RETREG1: variants seen among roughly 807,000 people sequenced by gnomAD.
RETREG1 encodes the protein family with sequence similarity 134 member B.
A neutral mutation model predicts 54.8 loss-of-function variants in RETREG1; 44 were observed. The ratio of observed to expected loss-of-function variants is 0.80; its 90% CI spans 0.63 to 1.03. The LOEUF (loss-of-function observed/expected upper bound fraction) is 1.03. RETREG1 is among the 50% of genes least tolerant of loss of function. The probability of loss-of-function intolerance (pLI) is 0.00; values close to 1 mark genes in which losing one functional copy is unlikely to be tolerated. For missense variants in RETREG1, 554 were observed against 605.1 expected, an observed-to-expected ratio of 0.92 and a Z score of 0.89; for synonymous variants, 217 against 238.5, an observed-to-expected ratio of 0.91 and a Z score of 0.83.
At chr5:16,508,668 G>A in intron 3 of RETREG1, 1 of 1,612,868 alleles carries the variant, frequency 6.2e-7, no homozygotes, top group South Asian at 1.1e-5. Flanking sequence ...GCTAACCACG[G>A]CTAATGTGGC....
intron 1 of RETREG1, among the ~76,000 whole-genome samples, chr5:16,574,716 G>A (rs1466976452): frequency 6.6e-6 from 1 of 152,200 alleles, no homozygotes; most frequent in African/African-American, 2.4e-5. Flanking sequence ...CAGGCCCCCT[G>A]AAACAGGTGG....
intron 3 of RETREG1, among the ~76,000 whole-genome samples, chr5:16,526,190 G>T (rs1240349789): frequency 6.6e-6 from 1 of 152,236 alleles, no homozygotes; most frequent in African/African-American, 2.4e-5. Context: ...GTATCAAATG[G>T]CTCAGGGAGA....
chr5:16,549,280 T>G (rs1423960229), intron 3 of RETREG1, among the ~76,000 whole-genome samples: 1 of 152,186 alleles, frequency 6.6e-6, no homozygotes. Context: ...CAAGACGAAT[T>G]TATAAGCAAT....
intron 3 of RETREG1, among the ~76,000 whole-genome samples, chr5:16,548,433 C>A (rs1294304969): frequency 6.6e-6 from 1 of 152,030 alleles, no homozygotes; most frequent in South Asian, 2.1e-4. Flanking sequence ...TGGATGCAAC[C>A]CAAATCTTAA....
At position 16,585,829 on chromosome 5, in the gene RETREG1, A is replaced by T. The variant is rs1742613119; in HGVS notation, c.321-13727T>A. Among the ~76,000 whole-genome samples, 1 of 152,010 alleles carries T rather than the reference A, an allele frequency of 6.6e-6. No homozygotes were observed. The highest frequency in any genetic ancestry group is 1.5e-5 in the Non-Finnish European group (1 of 67,980). Reference sequence around the variant, plus strand: ...TATGGTGGGAGCAGTGGCAAGAGGGAGTGTGGGGAGGGGGTGCCACATATT... The same window carrying T: ...TATGGTGGGAGCAGTGGCAAGAGGGTGTGTGGGGAGGGGGTGCCACATATT... On this transcript the variant is annotated intron_variant, in intron 1 of 8. Transcript: ENST00000306320. This position sits in a 1 kb window ranked among gnomAD's most constrained non-coding sequence, Gnocchi z 4.5.
chr5:16,581,145 G>A (rs2126322112), intron 1 of RETREG1, among the ~76,000 whole-genome samples: 1 of 152,256 alleles, frequency 6.6e-6, no homozygotes, highest in South Asian at 2.1e-4. Context: ...GGTGAGATTG[G>A]AAGGGAGAGG....
chr5:16,524,914 GCGGGGGACAC>G (rs1561104243), intron 3 of RETREG1, among the ~76,000 whole-genome samples: 58 of 119,720 alleles, frequency 4.8e-4, no homozygotes, highest in African/African-American at 1.4e-3. Flanking sequence ...GTGGATGTGC[GCGGGGGACAC>G]TGTGCTGACC....
Position 16,473,870 on chromosome 5 carries a change from A to G in RETREG1, c.*871T>C, listed in dbSNP as rs1030610733. 3 of 152,162 alleles carry G rather than the reference A, an allele frequency of 2.0e-5. No individual in the cohort carries two copies. Among genetic ancestry groups the G allele is most frequent in the Non-Finnish European group, 4.4e-5 (3 of 68,000 alleles). 9.4% of individuals were successfully genotyped at this position (152,162 alleles called of 1,614,324 possible). A position where few individuals can be genotyped will look rare whatever the true frequency, so the allele number is the denominator to read the frequency against. On this transcript the variant is annotated 3_prime_UTR_variant, in exon 9 of 9. Coordinates refer to ENST00000306320, the MANE Select transcript of RETREG1 (RefSeq NM_001034850.3). ...CATCAAGAACTAGTTTCACAATTTT[A>G]GGAGACTTTTTTCATGACATAATAT...
chr5:16,566,433 A>C (rs916659645), intron 2 of RETREG1, among the ~76,000 whole-genome samples: 2 of 152,170 alleles, frequency 1.3e-5, no homozygotes, highest in Non-Finnish European at 2.9e-5. Flanking sequence ...TAATTTTCCA[A>C]CCAATGTCTT....
At chr5:16,589,329 T>C (rs544049536) in intron 1 of RETREG1, among the ~76,000 whole-genome samples, 5 of 151,808 alleles carry the variant, frequency 3.3e-5, no homozygotes, top group East Asian at 3.9e-4. Flanking sequence ...TTTTTTTTTT[T>C]CAAAAAGGAG....
At chr5:16,612,247 A>G (rs1302634958) in intron 1 of RETREG1, among the ~76,000 whole-genome samples, 1 of 152,252 alleles carries the variant, frequency 6.6e-6, no homozygotes, top group Non-Finnish European at 1.5e-5. Context: ...CTCAACTGCC[A>G]GTATGGTTAC....
At chr5:16,538,413 T>C (rs1741136035) in intron 3 of RETREG1, among the ~76,000 whole-genome samples, 1 of 152,156 alleles carries the variant, frequency 6.6e-6, no homozygotes, top group African/African-American at 2.4e-5. Context: ...CAGATAATAA[T>C]GATGATCGCT....
chr5:16,489,285 C>A (rs1022724387), intron 3 of RETREG1, among the ~76,000 whole-genome samples: 4 of 151,988 alleles, frequency 2.6e-5, no homozygotes, highest in Non-Finnish European at 5.9e-5. Flanking sequence ...CCTTTGTTCC[C>A]TTAAAAAATA....
chr5:16,516,210 T>C (rs1331437882), intron 3 of RETREG1, among the ~76,000 whole-genome samples: 1 of 152,212 alleles, frequency 6.6e-6, no homozygotes, highest in Non-Finnish European at 1.5e-5. Flanking sequence ...TACAGCATCT[T>C]TTTCATCCAT....
intron 3 of RETREG1, among the ~76,000 whole-genome samples, chr5:16,564,414 G>C (rs1460763048): frequency 6.6e-6 from 1 of 152,100 alleles, no homozygotes; most frequent in Admixed American, 6.5e-5. Context: ...AAAGCACTTG[G>C]AGCATGAAGC....
chr5:16,535,101 A>G (rs1741017459), intron 3 of RETREG1, among the ~76,000 whole-genome samples: 2 of 152,218 alleles, frequency 1.3e-5, no homozygotes, highest in South Asian at 4.1e-4. Flanking sequence ...CTGGAATTCT[A>G]ATAAATTAGA....
chr5:16,493,429 A>G (rs1409492563), intron 3 of RETREG1, among the ~76,000 whole-genome samples: 1 of 152,208 alleles, frequency 6.6e-6, no homozygotes, highest in Non-Finnish European at 1.5e-5. Context: ...CAGGAGATTC[A>G]ACACCCTTTC....
At chr5:16,584,103 G>A (rs996596355) in intron 1 of RETREG1, among the ~76,000 whole-genome samples, 34 of 151,266 alleles carry the variant, frequency 2.2e-4, no homozygotes, top group African/African-American at 8.0e-4. Flanking sequence ...AGGACACGAA[G>A]GCATAATAAT....
intron 3 of RETREG1, among the ~76,000 whole-genome samples, chr5:16,487,279 C>G (rs1739055588): frequency 6.6e-6 from 1 of 152,188 alleles, no homozygotes; most frequent in Non-Finnish European, 1.5e-5. Flanking sequence ...AGAGACCATG[C>G]ACTTTCCAAG....
Sources: allele counts gnomAD v4.1 joint callset (sites outside exome capture counted in the v4.1 genomes callset), GRCh38; gene constraint gnomAD v4.1.1; non-coding constraint Gnocchi (gnomAD v3.1); transcripts MANE v1.5; gene names NCBI Gene and HGNC (gene_info 2026-07-23, HGNC 2026-07-21).